The following STK3 variants were observed in gnomAD, a reference collection of about 807,000 sequenced individuals.
The protein encoded by STK3 is serine/threonine-protein kinase 3.
In STK3, 41 loss-of-function variants were observed where a neutral mutation model predicts 58.0. The observed-to-expected ratio is 0.71, with a 90% confidence interval of 0.55 to 0.92. STK3 has a LOEUF of 0.92. STK3 is among the 40% of genes least tolerant of loss of function. The probability of loss-of-function intolerance (pLI) is 0.00; values close to 1 mark genes in which losing one functional copy is unlikely to be tolerated. For missense variants in STK3, 479 were observed against 602.7 expected, an observed-to-expected ratio of 0.79 and a Z score of 2.15; for synonymous variants, 170 against 191.0, an observed-to-expected ratio of 0.89 and a Z score of 0.91.
chr8:98,723,800 G>T (rs1295723869), intron 4 of STK3, among the ~76,000 whole-genome samples: 1 of 152,020 alleles, frequency 6.6e-6, no homozygotes, highest in Non-Finnish European at 1.5e-5. Flanking sequence ...CTTGCATAAG[G>T]TCTTAAAAAT....
At chr8:98,727,727 A>C (rs1827882709) in intron 4 of STK3, among the ~76,000 whole-genome samples, 1 of 152,330 alleles carries the variant, frequency 6.6e-6, no homozygotes, top group Non-Finnish European at 1.5e-5. Flanking sequence ...ATTTTTTAAA[A>C]GGAACATGCA....
At chr8:98,584,789 T>G (rs1814330968) in intron 7 of STK3, among the ~76,000 whole-genome samples, 1 of 149,028 alleles carries the variant, frequency 6.7e-6, no homozygotes, top group Non-Finnish European at 1.5e-5. Flanking sequence ...ATGATTGCCA[T>G]TCTAACTGGT....
rs536205571 is a variant in STK3, at chr8:98,653,500, A to G, written c.684+52967T>C. 3.9e-5 allele frequency among the ~76,000 whole-genome samples: 6 copies of G among 152,306 alleles called. No individual in the cohort carries two copies. In the East Asian group the frequency reaches 1.2e-3, roughly 29 times the overall value. On this transcript the variant is annotated intron_variant, in intron 6 of 10. Coordinates refer to ENST00000419617, the MANE Select transcript of STK3 (RefSeq NM_006281.4). ...CTAAAATCAGAGCAGAACTGAAGGA[A>G]ATAGAGACACAAAAAACCCTTCAAA... is the stretch of plus-strand genomic sequence containing the variant.
chr8:98,727,184 G>T (rs1827852622), intron 4 of STK3, among the ~76,000 whole-genome samples: 1 of 152,060 alleles, frequency 6.6e-6, no homozygotes, highest in Non-Finnish European at 1.5e-5. Context: ...ACATTGTAAT[G>T]GCCACAATGA....
the STK3 span, among the ~76,000 whole-genome samples, chr8:98,365,431 G>A: frequency 0.2 from 30,915 of 152,068 alleles, 3,224 homozygotes; most frequent in Middle Eastern, 0.38. Flanking sequence ...AAGGGAGGGA[G>A]GGCCAGGCTC....
chr8:98,895,344 T>G (rs1838405548), intron 1 of STK3, among the ~76,000 whole-genome samples: 1 of 152,092 alleles, frequency 6.6e-6, no homozygotes, highest in South Asian at 2.1e-4. Context: ...GACTGACAAA[T>G]GTACACAACT....
At chr8:98,501,658 G>C (rs148940845) in intron 10 of STK3, among the ~76,000 whole-genome samples, 2 of 152,308 alleles carry the variant, frequency 1.3e-5, no homozygotes, top group South Asian at 2.1e-4. Flanking sequence ...TTATTAAATA[G>C]GGAATCCTTT....
chr8:98,840,781 G>A (rs1472351840), intron 3 of STK3, among the ~76,000 whole-genome samples: 1 of 151,682 alleles, frequency 6.6e-6, no homozygotes, highest in Non-Finnish European at 1.5e-5. Flanking sequence ...AGAAATCCAG[G>A]TGCAACTTAT....
intron 10 of STK3, among the ~76,000 whole-genome samples, chr8:98,515,352 C>T (rs1171075164): frequency 6.6e-6 from 1 of 152,098 alleles, no homozygotes; most frequent in Non-Finnish European, 1.5e-5. Flanking sequence ...GTCTGTTCAG[C>T]AGACATGGTT....
chr8:98,688,543 T>C (rs761453803), intron 6 of STK3, among the ~76,000 whole-genome samples: 3 of 151,742 alleles, frequency 2.0e-5, no homozygotes, highest in Admixed American at 1.3e-4. Flanking sequence ...TCTCAATAAA[T>C]TCAAAAAAAT....
chr8:98,472,963 A>T (rs1484091477), intron 10 of STK3, among the ~76,000 whole-genome samples: 1 of 152,152 alleles, frequency 6.6e-6, no homozygotes, highest in African/African-American at 2.4e-5. Flanking sequence ...TGAGATTAAG[A>T]TCAATGATTA....
chr8:98,720,958 T>C, intron 4 of STK3: 1 of 352,268 alleles, frequency 2.8e-6, no homozygotes, highest in Non-Finnish European at 4.0e-6. Context: ...CATCCCTGAA[T>C]ATCAGACAGA....
intron 4 of STK3, among the ~76,000 whole-genome samples, chr8:98,712,808 C>G (rs1359084107): frequency 6.6e-6 from 1 of 152,178 alleles, no homozygotes; most frequent in Non-Finnish European, 1.5e-5. Context: ...CAGAACTCTC[C>G]ACCCCAAATC....
intron 1 of STK3, among the ~76,000 whole-genome samples, chr8:98,822,943 G>A (rs759804226): frequency 2.0e-5 from 3 of 152,208 alleles, no homozygotes; most frequent in Non-Finnish European, 4.4e-5. Flanking sequence ...GACGAGAATC[G>A]CTTGAATCAG....
In STK3 at chr8:98,607,827, T is replaced by C. The variant is rs184345552; in HGVS notation, c.685-11658A>G. 5.5e-3 allele frequency among the ~76,000 whole-genome samples: 836 copies of C among 152,334 alleles called. 9 individuals are homozygous for C. The highest frequency in any genetic ancestry group is 0.019 in the African/African-American group (807 of 41,586). ...CACAGATGGTTTTTGATAACAATTA[T>C]AAAATTTAAGCTTTCAGTTGAAAAG... On this transcript the variant is annotated intron_variant, in intron 6 of 10. Coordinates refer to ENST00000419617, the MANE Select transcript of STK3 (RefSeq NM_006281.4).
downstream of STK3, among the ~76,000 whole-genome samples, chr8:98,367,607 G>T (rs142373341): frequency 6.6e-6 from 1 of 152,232 alleles, no homozygotes; most frequent in East Asian, 1.9e-4. Context: ...GGTACCTGGG[G>T]CTGGAGCGGG....
chr8:98,368,844 T>C (rs1023318118), downstream of STK3, among the ~76,000 whole-genome samples: 3 of 152,268 alleles, frequency 2.0e-5, no homozygotes, highest in East Asian at 5.8e-4. Context: ...CTCGGAACAT[T>C]GAGCTCTTCA....
At chr8:98,453,705 C>G (rs1819305923), downstream of STK3, among the ~76,000 whole-genome samples, 1 of 152,132 alleles carries the variant, frequency 6.6e-6, no homozygotes, top group African/African-American at 2.4e-5. Flanking sequence ...GTTAACAGGC[C>G]TCGCTGAGTT....
chr8:98,469,260 G>T lies in STK3; in HGVS notation c.1318-13260C>A, dbSNP rs920270620. Among the ~76,000 whole-genome samples, 84 of 149,652 alleles carry T rather than the reference G, an allele frequency of 5.6e-4. 2 individuals carry two copies. The highest frequency in any genetic ancestry group is 8.2e-4 in the Non-Finnish European group (55 of 67,284). ...AAAAAGGCTTTTCTTTGCGGGGGCG[G>T]GGGGGCGGTCTGAGAATGGCGCCAA... On this transcript the variant is annotated intron_variant, in intron 10 of 10. Transcript: ENST00000419617.
Sources: allele counts gnomAD v4.1 joint callset (sites outside exome capture counted in the v4.1 genomes callset), GRCh38; gene constraint gnomAD v4.1.1; transcripts MANE v1.5; gene names NCBI Gene and HGNC (gene_info 2026-07-23, HGNC 2026-07-21).